LRRD1: variants seen among roughly 807,000 people sequenced by gnomAD.
The protein encoded by LRRD1 is leucine rich repeats and death domain containing 1.
Under a neutral mutation model 69.5 loss-of-function variants are expected in LRRD1, and 49 were observed. That is an observed-to-expected ratio of 0.70 (90% confidence interval 0.56 to 0.89). LRRD1 has a LOEUF of 0.89. Ranked by LOEUF, LRRD1 falls within the 40% of genes least tolerant of loss-of-function variation. LRRD1 has a pLI of 0.00. For synonymous variants in LRRD1, 303 were observed against 338.9 expected, an observed-to-expected ratio of 0.89 and a Z score of 1.16; for missense variants, 853 against 956.0, an observed-to-expected ratio of 0.89 and a Z score of 1.42.
chr7:92,177,996 C>T (rs1789233615), intron 1 of LRRD1, among the ~76,000 whole-genome samples: 1 of 152,260 alleles, frequency 6.6e-6, no homozygotes, highest in East Asian at 1.9e-4. Flanking sequence ...ATTGAAGAGG[C>T]TGCCACCAAT....
At chr7:92,162,132 C>T (rs1473190839) in intron 2 of LRRD1, among the ~76,000 whole-genome samples, 2 of 152,182 alleles carry the variant, frequency 1.3e-5, no homozygotes, top group Non-Finnish European at 1.5e-5. Flanking sequence ...CAAGCTGTAT[C>T]ATTATTCATT....
In LRRD1 at chr7:92,159,167, G is replaced by C. The variant is rs755545472; in HGVS notation, c.1954C>G (p.Gln652Glu). The change falls in exon 3 of 6, where the codon CAA (glutamine) becomes GAA (glutamate). Residue 652 changes from glutamine (Q) to glutamate (E), a missense_variant. Gln to Glu is a conservative substitution (Grantham distance 29). Around this residue, in one of 3 missense-constraint regions of LRRD1, gnomAD observed 739 missense variants for 808.0 expected, o/e 0.91. Coordinates refer to ENST00000458448, the MANE Select transcript of LRRD1 (RefSeq NM_001161528.2). ...RLPGELSNMTQLKELDISNNA... is the reference protein window; with the variant it reads ...RLPGELSNMTELKELDISNNA... ...TTTGAGATATCAAGTTCTTTAAGTT[G>C]AGTCATATTAGATAGCTCTCCTGGA... 1.3e-6 allele frequency: 2 copies of C among 1,536,808 alleles called. No homozygotes were observed. Among genetic ancestry groups the C allele is most frequent in the Admixed American group, 4.2e-5 (2 of 47,428 alleles).
chr7:92,167,981 C>T (rs1026828950), intron 1 of LRRD1, among the ~76,000 whole-genome samples: 2 of 148,206 alleles, frequency 1.3e-5, no homozygotes, highest in African/African-American at 2.5e-5. Flanking sequence ...CAGGAGATTT[C>T]AAGTTCTAAA....
chr7:92,150,381 C>T (rs368095753), intron 4 of LRRD1, 153 bp downstream of exon 4: 11 of 570,848 alleles, frequency 1.9e-5, no homozygotes, highest in Middle Eastern at 5.0e-4. Flanking sequence ...GGGAGGATCA[C>T]TTGAGCCCAG....
intron 2 of LRRD1, among the ~76,000 whole-genome samples, chr7:92,162,661 A>C (rs1227948761): frequency 6.6e-6 from 1 of 152,302 alleles, no homozygotes; most frequent in South Asian, 2.1e-4. Flanking sequence ...TTATGGAAAA[A>C]TTCATCACAG....
chr7:92,161,108 G>A (rs559586950), intron 2 of LRRD1, among the ~76,000 whole-genome samples: 4 of 152,278 alleles, frequency 2.6e-5, no homozygotes, highest in African/African-American at 9.6e-5. Context: ...TACTAGAGGT[G>A]GTGTCTGAGA....
chr7:92,159,281 TGA>T (rs1234193206), intron 2 of LRRD1, 78 bp from the exon 3 acceptor site: 3 of 1,005,732 alleles, frequency 3.0e-6, no homozygotes, highest in Non-Finnish European at 4.1e-6. Context: ...TAAAATCAAA[TGA>T]AAGAGTTTTG....
chr7:92,164,495 G>C lies in LRRD1; in HGVS notation c.708C>G (p.Ile236Met). ...IPKEISQLGNIRQLFFYNNYI... is the reference protein window; with the variant it reads ...IPKEISQLGNMRQLFFYNNYI... ...AATTGTTATAAAAAAAGAGTTGTCT[G>C]ATATTCCCAAGCTGAGATATTTCTT... The change falls in exon 2 of 6, where the codon ATC becomes ATG. Residue 236 changes from isoleucine to methionine, a missense_variant. Around this residue, in one of 3 missense-constraint regions of LRRD1, gnomAD observed 739 missense variants for 808.0 expected, o/e 0.91. Coordinates refer to ENST00000458448, the MANE Select transcript of LRRD1 (RefSeq NM_001161528.2). The C allele has an allele frequency of 6.5e-7, 1 of 1,550,058 alleles. No individual in the cohort carries two copies. Among genetic ancestry groups the C allele is most frequent in the Non-Finnish European group, 8.7e-7 (1 of 1,146,006 alleles).
At chr7:92,154,123 C>G (rs1006614391) in intron 3 of LRRD1, among the ~76,000 whole-genome samples, 2 of 152,198 alleles carry the variant, frequency 1.3e-5, no homozygotes, top group African/African-American at 4.8e-5. Context: ...CAGGCATGAG[C>G]CACCACGCCC....
At chr7:92,175,223 GT>G (rs1706713490) in intron 1 of LRRD1, among the ~76,000 whole-genome samples, 2 of 152,126 alleles carry the variant, frequency 1.3e-5, no homozygotes, top group South Asian at 2.1e-4. Context: ...TTTCCATAAT[GT>G]TTTTTGCCAT....
chr7:92,146,510 G>C (rs1312381756), intron 4 of LRRD1, among the ~76,000 whole-genome samples: 2 of 151,986 alleles, frequency 1.3e-5, no homozygotes, highest in Admixed American at 6.6e-5. Flanking sequence ...CCAGCTACTC[G>C]GGAGGCTGAG....
chr7:92,145,807 T>C (rs1820310076), intron 5 of LRRD1, among the ~76,000 whole-genome samples: 1 of 152,208 alleles, frequency 6.6e-6, no homozygotes, highest in Admixed American at 6.5e-5. Context: ...ATATTCATTT[T>C]ACCAGTGAAG....
At chr7:92,145,560 C>T (rs1392995010) in intron 5 of LRRD1, among the ~76,000 whole-genome samples, 4 of 151,880 alleles carry the variant, frequency 2.6e-5, no homozygotes, top group African/African-American at 9.7e-5. Context: ...CTGCCTCAGC[C>T]TCCCGAGTAG....
At chr7:92,145,683 C>T (rs894865455) in intron 5 of LRRD1, among the ~76,000 whole-genome samples, 3 of 152,086 alleles carry the variant, frequency 2.0e-5, no homozygotes, top group African/African-American at 7.2e-5. Flanking sequence ...TCGTGATCCA[C>T]CCGCCTCAGC....
chr7:92,167,285 G>A (rs1182710273), intron 1 of LRRD1, among the ~76,000 whole-genome samples: 4 of 151,806 alleles, frequency 2.6e-5, no homozygotes, highest in South Asian at 4.2e-4. Context: ...TAGTAGAGAC[G>A]AGGTTTCACC....
At chr7:92,149,890 G>A in intron 4 of LRRD1, 1 of 456,580 alleles carries the variant, frequency 2.2e-6, no homozygotes, top group South Asian at 1.6e-5. Context: ...TGGTAGAACA[G>A]ATTGGAACTG....
Position 92,165,170 on chromosome 7 carries a change from T to C in LRRD1, c.33A>G (p.Leu11=). 1 of 1,527,250 alleles carries C rather than the reference T, an allele frequency of 6.5e-7. No homozygotes were observed. Among genetic ancestry groups the C allele is most frequent in the Non-Finnish European group, 8.8e-7 (1 of 1,133,866 alleles). 94.6% of individuals were successfully genotyped at this position (1,527,250 alleles called of 1,614,324 possible). MSEKEGMSEV[L]EDTISQFRKE... is the part of the protein sequence containing the mutation. The stretch of plus-strand genomic sequence containing the variant: ...TCCTAAATTGACTAATAGTATCCTC[T>C]AGCACTTCTGACATACCCTCCTTTT... The change falls in exon 2 of 6, where the codon CTA becomes CTG. Residue 11 remains leucine, a synonymous_variant. Transcript: ENST00000458448.
intron 1 of LRRD1, among the ~76,000 whole-genome samples, chr7:92,168,447 C>T (rs2131015885): frequency 6.6e-6 from 1 of 152,294 alleles, no homozygotes; most frequent in South Asian, 2.1e-4. Flanking sequence ...GGAGACACCA[C>T]ATCAGAGTGC....
At chr7:92,147,215 C>T (rs998942082) in intron 4 of LRRD1, among the ~76,000 whole-genome samples, 25 of 151,512 alleles carry the variant, frequency 1.7e-4, no homozygotes, top group African/African-American at 1.7e-4. Flanking sequence ...TACAGGCATG[C>T]GCCACCACAC....
Sources: gnomAD v4.1 joint callset for allele counts (sites outside exome capture counted in the v4.1 genomes callset) on GRCh38, gnomAD v4.1.1 for gene constraint, gnomAD v4.1.1 regional missense constraint, MANE v1.5 for transcripts, NCBI Gene and HGNC (gene_info 2026-07-23, HGNC 2026-07-21) for gene names.